RP1L1: variants seen among roughly 807,000 people sequenced by gnomAD.
RP1L1 encodes retinitis pigmentosa 1-like 1 protein.
In RP1L1, 27 loss-of-function variants were observed where a neutral mutation model predicts 15.7. That is an observed-to-expected ratio of 1.72 (90% CI 1.27 to 2.38). The LOEUF (loss-of-function observed/expected upper bound fraction) is 2.38. Among genes scored for constraint, RP1L1 ranks in the 30% most tolerant of loss-of-function variants. The pLI is 0.00. For missense variants in RP1L1, 4,798 were observed against 3,075.9 expected (o/e 1.56, Z -13.24); for synonymous variants, 1,813 against 1,276.7 (o/e 1.42, Z -8.96).
chr8:10,622,103 C>T (rs1450109514), intron 2 of RP1L1, among the ~76,000 whole-genome samples: 1 of 151,944 alleles, frequency 6.6e-6, no homozygotes, highest in Non-Finnish European at 1.5e-5. Context: ...GGGCAGATCA[C>T]CTGAGGTTGG....
At chr8:10,617,074 G>C (rs1455773183) in intron 2 of RP1L1, among the ~76,000 whole-genome samples, 2 of 152,086 alleles carry the variant, frequency 1.3e-5, no homozygotes, top group Admixed American at 6.5e-5. Context: ...CCCAAGTGGA[G>C]GGGAGAGGGG....
chr8:10,650,092 T>A (rs1028144964), intron 1 of RP1L1, among the ~76,000 whole-genome samples: 2 of 152,190 alleles, frequency 1.3e-5, no homozygotes, highest in African/African-American at 4.8e-5. Flanking sequence ...GAAACACGAA[T>A]TTGAGACTCA....
Position 10,609,298 on chromosome 8 carries a change from G to C in RP1L1, c.4800C>G (p.Leu1600=), listed in dbSNP as rs757858348. Residue 1600 remains leucine, a synonymous_variant, in exon 4 of 4, where the codon CTC becomes CTG. Transcript: ENST00000382483. ...PPREALTGEL[L]LQTQQRRHRL... is the part of the protein sequence containing the mutation. ...GGTGTCTGCGCTGCTGGGTCTGCAG[G>C]AGCAGCTCCCCGGTGAGGGCCTCCC... 6.2e-7 allele frequency: 1 copy of C among 1,611,044 alleles called. No homozygotes were observed. Among genetic ancestry groups the C allele is most frequent in the East Asian group, 2.2e-5 (1 of 44,832 alleles).
At chr8:10,621,420 G>C (rs1798056814) in intron 2 of RP1L1, 1 of 267,670 alleles carries the variant, frequency 3.7e-6, no homozygotes, top group Non-Finnish European at 7.4e-6. Context: ...CTGCCTCCCA[G>C]GTTCCAGCAA....
chr8:10,610,564 G>T lies in RP1L1; in HGVS notation c.3534C>A (p.Ser1178Arg), dbSNP rs867798619. 6.2e-7 allele frequency: 1 copy of T among 1,613,646 alleles called. No homozygotes were observed. Among genetic ancestry groups the T allele is most frequent in the Non-Finnish European group, 8.5e-7 (1 of 1,180,020 alleles). Residue 1178 changes from serine (S) to arginine (R), a missense_variant, in exon 4 of 4, where the codon AGC (serine) becomes AGA (arginine). Transcript: ENST00000382483. ...LDSGLWELTW[S>R]QALPDLGSHA... ...GGGACCCAAGGTCTGGCAGAGCCTGGCTCCATGTGAGCTCCCAGAGGCCTG... is the reference window on the plus strand; with the variant it reads ...GGGACCCAAGGTCTGGCAGAGCCTGTCTCCATGTGAGCTCCCAGAGGCCTG...
intron 1 of RP1L1, among the ~76,000 whole-genome samples, chr8:10,624,650 G>A (rs936021484): frequency 3.3e-5 from 5 of 150,348 alleles, no homozygotes; most frequent in African/African-American, 1.3e-4. Context: ...AAGCTGGGGT[G>A]GAAGGCCGGG....
At chr8:10,638,982 T>G (rs563457005) in intron 1 of RP1L1, among the ~76,000 whole-genome samples, 2 of 152,004 alleles carry the variant, frequency 1.3e-5, no homozygotes, top group African/African-American at 4.8e-5. Flanking sequence ...CAGGCTCTAC[T>G]AAAAAATAAA....
rs1797885950 is a variant in RP1L1, at chr8:10,612,597, C to A, written c.1501G>T (p.Glu501Ter). 6.2e-7 allele frequency: 1 copy of A among 1,603,654 alleles called. No homozygotes were observed. Among genetic ancestry groups the A allele is most frequent in the East Asian group, 2.2e-5 (1 of 44,866 alleles). The stretch of plus-strand genomic sequence containing the variant: ...CCATCTATGCATAGGCCGGGGTCCT[C>A]ACCCAGGCTCCCTCCAGCTTTCCGC... Reference protein sequence around the residue: ...AERKAGGSLGEDPGLCIDGAG... With the variant: ...AERKAGGSLG Residue 501 changes from glutamate (E) to a stop codon, truncating the protein, a stop_gained, in exon 4 of 4, where the codon GAG becomes TAG. Coordinates refer to ENST00000382483, the MANE Select transcript of RP1L1 (RefSeq NM_178857.6). LOFTEE classifies it low-confidence loss of function (END_TRUNC).
At chr8:10,648,885 G>A (rs1303123025) in intron 1 of RP1L1, among the ~76,000 whole-genome samples, 1 of 152,218 alleles carries the variant, frequency 6.6e-6, no homozygotes, top group Non-Finnish European at 1.5e-5. Context: ...GAGAAGCCCT[G>A]ATGGTCTCAT....
At chr8:10,643,077 C>T (rs1019883197) in intron 1 of RP1L1, among the ~76,000 whole-genome samples, 3 of 152,156 alleles carry the variant, frequency 2.0e-5, no homozygotes, top group Non-Finnish European at 4.4e-5. Context: ...TGACTCACAC[C>T]TGTAATCCCA....
At chr8:10,653,803 G>C (rs1798598368) in intron 1 of RP1L1, among the ~76,000 whole-genome samples, 1 of 152,206 alleles carries the variant, frequency 6.6e-6, no homozygotes, top group African/African-American at 2.4e-5. Flanking sequence ...ATAACCGAGA[G>C]GGTAAATAAA....
At position 10,608,637 on chromosome 8, in the gene RP1L1, C is replaced by T. The variant is rs1797761137; in HGVS notation, c.5461G>A (p.Gly1821Arg). 6.2e-7 allele frequency: 1 copy of T among 1,614,084 alleles called. No individual in the cohort carries two copies. Among genetic ancestry groups the T allele is most frequent in the Non-Finnish European group, 8.5e-7 (1 of 1,180,042 alleles). ...CTCTGTCCTGGATCTTGGTCACCTC[C>T]TGCCGCAGCTTCACCCTGCAAGTTG... Reference protein sequence around the residue: ...EDNLQGEAAAGGDQDPGQSDG... With the variant: ...EDNLQGEAAARGDQDPGQSDG... Residue 1821 changes from glycine (G) to arginine (R), a missense_variant, in exon 4 of 4, where the codon GGA (glycine) becomes AGA (arginine). Transcript: ENST00000382483.
rs748267226 is a variant in RP1L1 at position 10,608,148 on chromosome 8, C to A, written c.5950G>T (p.Val1984Leu). The A allele has an allele frequency of 6.2e-7, 1 of 1,612,630 alleles. No homozygotes were observed. The highest frequency in any genetic ancestry group is 8.5e-7 in the Non-Finnish European group (1 of 1,179,630). The change falls in exon 4 of 4, where the codon GTG (valine) becomes TTG (leucine). Residue 1984 changes from valine (V) to leucine (L), a missense_variant. Val to Leu is a conservative substitution (Grantham distance 32, BLOSUM62 1). Coordinates refer to ENST00000382483, the MANE Select transcript of RP1L1 (RefSeq NM_178857.6). ...TCCCCTTCTGCCTCCTGGGTCTCCA[C>A]TTCAACCTCCAGGGCCTCTACATCT... Reference protein sequence around the residue: ...SEDVEALEVEVETQEAEGEAQ... With the variant: ...SEDVEALEVELETQEAEGEAQ...
intron 3 of RP1L1, among the ~76,000 whole-genome samples, chr8:10,615,125 T>A (rs1797944330): frequency 6.6e-6 from 1 of 152,102 alleles, no homozygotes; most frequent in Admixed American, 6.6e-5. Context: ...GAGTAAACTG[T>A]CCTTGTGCCT....
chr8:10,639,066 A>T (rs1798370909), intron 1 of RP1L1, among the ~76,000 whole-genome samples: 1 of 151,718 alleles, frequency 6.6e-6, no homozygotes, highest in South Asian at 2.1e-4. Flanking sequence ...AATCACTTGA[A>T]CCTGGGAGGC....
intron 1 of RP1L1, among the ~76,000 whole-genome samples, chr8:10,635,509 T>C (rs1798315932): frequency 6.6e-6 from 1 of 152,184 alleles, no homozygotes; most frequent in African/African-American, 2.4e-5. Flanking sequence ...TACAAATCCC[T>C]ATGGAATACC....
chr8:10,620,161 T>A (rs1250081167), intron 2 of RP1L1, among the ~76,000 whole-genome samples: 1 of 152,192 alleles, frequency 6.6e-6, no homozygotes, highest in Non-Finnish European at 1.5e-5. Flanking sequence ...AGTTTTGGTG[T>A]CTGCAAGCTA....
Position 10,610,486 on chromosome 8 carries a change from G to C in RP1L1, c.3612C>G (p.Ser1204Arg). Reference sequence around the variant, plus strand: ...TCTCCCCTGAGCCTCCAGAGCCGCTGCTGATGTCCACACCAGAGGAGGATG... The same window carrying C: ...TCTCCCCTGAGCCTCCAGAGCCGCTCCTGATGTCCACACCAGAGGAGGATG... ...TPTSSSGVDISSGSGGSGESS... is the reference protein window; with the variant it reads ...TPTSSSGVDIRSGSGGSGESS... The change falls in exon 4 of 4, where the codon AGC becomes AGG. Residue 1204 changes from serine to arginine, a missense_variant. By Grantham distance (110) the Ser-to-Arg change is moderately radical (BLOSUM62 -1). Transcript: ENST00000382483. 1.2e-6 allele frequency: 2 copies of C among 1,613,790 alleles called. No homozygotes were observed. The highest frequency in any genetic ancestry group is 2.7e-5 in the African/African-American group (2 of 75,034).
At position 10,632,599 on chromosome 8, in the gene RP1L1, C is replaced by T. The variant is rs756447315; in HGVS notation, c.-19-9379G>A. On this transcript the variant is annotated intron_variant, in intron 1 of 3. Transcript: ENST00000382483. ...CCTGTAGAATCCCCGTGTGTTTACA[C>T]GCCTTATTTCTCCCGCTAGACCAAG... is the stretch of plus-strand genomic sequence containing the variant. 4.0e-4 allele frequency among the ~76,000 whole-genome samples: 61 copies of T among 152,322 alleles called. 1 individual carries two copies. Among genetic ancestry groups the T allele is most frequent in the Middle Eastern group, 6.8e-3 (2 of 294 alleles).
Sources: allele counts gnomAD v4.1 joint callset (sites outside exome capture counted in the v4.1 genomes callset), GRCh38; gene constraint gnomAD v4.1.1; transcripts MANE v1.5; gene names NCBI Gene and HGNC (gene_info 2026-07-23, HGNC 2026-07-21).